The following SNAPC3 variants were observed in gnomAD, a reference collection of about 807,000 sequenced individuals.
The protein encoded by SNAPC3 is snRNA-activating protein complex subunit 3.
In SNAPC3, 56 loss-of-function variants were observed where a neutral mutation model predicts 47.7. That is an observed-to-expected ratio of 1.18 (90% confidence interval 0.95 to 1.47). The LOEUF (loss-of-function observed/expected upper bound fraction) is 1.47, where lower values mean the gene tolerates loss of function less well. Ranked by LOEUF, SNAPC3 falls within the 40% of genes most tolerant of loss-of-function variation. The probability of loss-of-function intolerance (pLI) is 0.00; values close to 1 mark genes in which losing one functional copy is unlikely to be tolerated. For missense variants in SNAPC3, 665 were observed against 511.3 expected (o/e 1.30, Z -2.90); for synonymous variants, 235 against 189.9 (o/e 1.24, Z -1.95).
intron 5 of SNAPC3, among the ~76,000 whole-genome samples, chr9:15,447,573 G>T (rs2034045326): frequency 2.0e-5 from 3 of 152,020 alleles, no homozygotes; most frequent in Admixed American, 2.0e-4. Flanking sequence ...GCCCAGGCTG[G>T]AGTGCAGTGT....
Position 15,452,782 on chromosome 9 carries a change from A to G in SNAPC3, c.816-259A>G, listed in dbSNP as rs990567796. Among the ~76,000 whole-genome samples, 10 of 152,368 alleles carry G rather than the reference A, an allele frequency of 6.6e-5. No homozygotes were observed. The East Asian group carries it at 1.5e-3, about 24-fold the overall frequency. ...TGTGAAAAATATTTTTCAAAACACA[A>G]TGAGTGGCATTGTTACACATTTTGC... On this transcript the variant is annotated intron_variant, in intron 6 of 8. Transcript: ENST00000380821.
chr9:15,453,906 A>T (rs2034577352), intron 7 of SNAPC3, among the ~76,000 whole-genome samples: 1 of 152,204 alleles, frequency 6.6e-6, no homozygotes, highest in African/African-American at 2.4e-5. Context: ...GAAACCAGTA[A>T]TTACTGGTAT....
Position 15,460,007 on chromosome 9 carries a change from A to AGGTT in SNAPC3, c.*142_*143insGTTG. The stretch of plus-strand genomic sequence containing the variant: ...GCTATCAAAAAAAAGTCCAAATGAC[A>AGGTT]GATTTTCTTATAATGATAGTATTTA... On this transcript the variant is annotated 3_prime_UTR_variant, in exon 9 of 9. Transcript: ENST00000380821. 1.9e-6 allele frequency: 1 copy of AGGTT among 531,064 alleles called. No homozygotes were observed. The highest frequency in any genetic ancestry group is 3.2e-6 in the Non-Finnish European group (1 of 311,016). The allele number at this position is 531,064 out of a possible 1,614,324, so 32.9% of individuals were successfully genotyped here. A position where few individuals can be genotyped will look rare whatever the true frequency, so the allele number is the denominator to read the frequency against.
At chr9:15,442,019 A>C (rs1365812897) in intron 3 of SNAPC3, among the ~76,000 whole-genome samples, 1 of 147,850 alleles carries the variant, frequency 6.8e-6, no homozygotes, top group African/African-American at 2.5e-5. Flanking sequence ...GGCCAGGCGG[A>C]GGCGCTCCCC....
At chr9:15,424,709 TAA>T (rs2031111468) in intron 2 of SNAPC3, among the ~76,000 whole-genome samples, 1 of 152,214 alleles carries the variant, frequency 6.6e-6, no homozygotes, top group Non-Finnish European at 1.5e-5. Flanking sequence ...TGTTGTATGA[TAA>T]TATAGAGAAA....
intron 2 of SNAPC3, among the ~76,000 whole-genome samples, chr9:15,429,795 A>T (rs1030770329): frequency 1.3e-5 from 2 of 152,204 alleles, no homozygotes; most frequent in East Asian, 3.8e-4. Context: ...GCAACCTATT[A>T]AAAAAGGATT....
At chr9:15,459,548 T>C (rs1302286106) in intron 8 of SNAPC3, among the ~76,000 whole-genome samples, 171 bp from the exon 9 acceptor site, 1 of 152,178 alleles carries the variant, frequency 6.6e-6, no homozygotes, top group African/African-American at 2.4e-5. Context: ...GAGAGAGTAT[T>C]GGTGGTGATG....
At chr9:15,431,395 C>G (rs891965042) in intron 2 of SNAPC3, among the ~76,000 whole-genome samples, 17 of 152,186 alleles carry the variant, frequency 1.1e-4, no homozygotes, top group African/African-American at 4.1e-4. Context: ...TCAGTGTTCC[C>G]TTTTACTGCT....
chr9:15,428,961 C>A (rs1264618262), intron 2 of SNAPC3, among the ~76,000 whole-genome samples: 2 of 151,738 alleles, frequency 1.3e-5, no homozygotes, highest in African/African-American at 4.8e-5. Flanking sequence ...GCAAAAGTTT[C>A]CAGAAATTGA....
chr9:15,436,864 C>T (rs1402452535), intron 3 of SNAPC3, among the ~76,000 whole-genome samples: 8 of 147,252 alleles, frequency 5.4e-5, no homozygotes, highest in African/African-American at 1.8e-4. Context: ...GCTCTTGTTG[C>T]CCAGGCTGGA....
At position 15,433,609 on chromosome 9, in the gene SNAPC3, C is replaced by T. The variant is rs145421892; in HGVS notation, c.450C>T (p.Cys150=). Residue 150 remains cysteine (C), a synonymous_variant, in exon 3 of 9, where the codon TGC becomes TGT. Coordinates refer to ENST00000380821, the MANE Select transcript of SNAPC3 (RefSeq NM_001039697.2). ...REETITIDRA[C]RQETFVYEME... is the part of the protein sequence containing the mutation. ...AAACCATTACAATAGATCGAGCCTG[C>T]AGACAAGAAACATTCGTTTATGAGA... The T allele has an allele frequency of 1.2e-6, 2 of 1,607,066 alleles. No homozygotes were observed. The highest frequency in any genetic ancestry group is 2.2e-5 in the East Asian group (1 of 44,792).
At chr9:15,447,072 C>G (rs2033987861) in intron 4 of SNAPC3, 23 bp from the exon 5 acceptor site, 2 of 1,607,862 alleles carry the variant, frequency 1.2e-6, no homozygotes, top group African/African-American at 1.3e-5. Flanking sequence ...TAAATGAACA[C>G]TTATTTATTC....
chr9:15,428,508 C>A (rs377121847), intron 2 of SNAPC3, among the ~76,000 whole-genome samples: 710 of 128,820 alleles, frequency 5.5e-3, no homozygotes, highest in Non-Finnish European at 5.9e-3. Flanking sequence ...GACTCTGTCT[C>A]AAAAAAAAAA....
chr9:15,438,625 A>G (rs2033041724), intron 3 of SNAPC3, among the ~76,000 whole-genome samples: 1 of 152,102 alleles, frequency 6.6e-6, no homozygotes, highest in Admixed American at 6.5e-5. Context: ...TAAGTTTCCT[A>G]TGCTGTGATT....
chr9:15,457,879 C>T (rs2131973403), intron 7 of SNAPC3, 81 bp from the exon 8 acceptor site: 1 of 779,038 alleles, frequency 1.3e-6, no homozygotes, highest in Admixed American at 2.8e-5. Flanking sequence ...AATACTCAGG[C>T]ACAGATATAT....
chr9:15,441,383 C>CTTTTTCTTTTTTTTTTTTTT (rs2033351598), intron 3 of SNAPC3, among the ~76,000 whole-genome samples: 2 of 59,572 alleles, frequency 3.4e-5, no homozygotes, highest in Non-Finnish European at 6.1e-5. Context: ...GTTCCCTTTT[C>CTTTTTCTTTTTTTTTTTTTT]TTTTTTTTTT....
chr9:15,428,398 A>G (rs2031723913), intron 2 of SNAPC3, among the ~76,000 whole-genome samples: 2 of 151,564 alleles, frequency 1.3e-5, no homozygotes, highest in African/African-American at 4.8e-5. Context: ...AGTCCCAGCT[A>G]CTTGGGAGGC....
At chr9:15,426,498 A>G (rs1482390031) in intron 2 of SNAPC3, among the ~76,000 whole-genome samples, 1 of 152,188 alleles carries the variant, frequency 6.6e-6, no homozygotes, top group Non-Finnish European at 1.5e-5. Context: ...CAATTCCTAG[A>G]ACTGTGGTGC....
At chr9:15,426,431 C>T (rs143663514) in intron 2 of SNAPC3, among the ~76,000 whole-genome samples, 4 of 152,270 alleles carry the variant, frequency 2.6e-5, no homozygotes, top group Admixed American at 2.6e-4. Context: ...TTTCTGTCTT[C>T]TTAGCTACAC....
Sources: allele counts gnomAD v4.1 joint callset (sites outside exome capture counted in the v4.1 genomes callset), GRCh38; gene constraint gnomAD v4.1.1; transcripts MANE v1.5; gene names NCBI Gene and HGNC (gene_info 2026-07-23, HGNC 2026-07-21).